The following MAGI1 variants were observed in gnomAD, a reference collection of about 807,000 sequenced individuals.
MAGI1 encodes membrane-associated guanylate kinase, WW and PDZ domain-containing protein 1.
A neutral mutation model predicts 139.9 loss-of-function variants in MAGI1; 58 were observed. The observed-to-expected ratio is 0.41, with a 90% CI of 0.34 to 0.52. MAGI1 has a LOEUF of 0.52. MAGI1 is among the 20% of genes least tolerant of loss of function. MAGI1 has a pLI of 0.12. For missense variants in MAGI1, 1,874 were observed against 1,901.6 expected (o/e 0.99, Z 0.27); for synonymous variants, 812 against 737.9 (o/e 1.10, Z -1.63).
intron 1 of MAGI1, among the ~76,000 whole-genome samples, chr3:65,729,907 T>C (rs898463670): frequency 2.0e-5 from 3 of 152,346 alleles, no homozygotes; most frequent in East Asian, 1.9e-4. Context: ...CCTTTGGTTA[T>C]ATAAGTAGTT....
intron 13 of MAGI1, among the ~76,000 whole-genome samples, chr3:65,392,797 T>G (rs979083170): frequency 6.6e-6 from 1 of 152,220 alleles, no homozygotes; most frequent in Non-Finnish European, 1.5e-5. Flanking sequence ...TATTACAGAT[T>G]TGAATGGAGG....
chr3:65,950,832 G>C (rs1423527039), intron 1 of MAGI1, among the ~76,000 whole-genome samples: 1 of 152,168 alleles, frequency 6.6e-6, no homozygotes, highest in Admixed American at 6.6e-5. Context: ...CTCAGGGACA[G>C]ATAGAGTGCA....
rs115437464 is a variant in MAGI1 at position 65,976,120 on chromosome 3, G to A, written c.313+61876C>T. On this transcript the variant is annotated intron_variant, in intron 1 of 22. Transcript: ENST00000402939. Reference sequence around the variant, plus strand: ...GAAGCCAGGAACATTTGGTGAACTCGGCTATGTCTCTCTGCACTGGTGGTG... The same window carrying A: ...GAAGCCAGGAACATTTGGTGAACTCAGCTATGTCTCTCTGCACTGGTGGTG... Among the ~76,000 whole-genome samples the A allele has an allele frequency of 3.3e-3, 506 of 152,196 alleles. 1 individual carries two copies. The highest frequency in any genetic ancestry group is 0.012 in the African/African-American group (480 of 41,538).
At chr3:66,014,339 C>T (rs2067507409) in intron 1 of MAGI1, among the ~76,000 whole-genome samples, 1 of 152,166 alleles carries the variant, frequency 6.6e-6, no homozygotes. Context: ...GCATACCCAA[C>T]CAGGTCAGCA....
intron 2 of MAGI1, among the ~76,000 whole-genome samples, chr3:65,532,586 AC>A (rs2078763390): frequency 6.6e-6 from 1 of 152,332 alleles, no homozygotes; most frequent in African/African-American, 2.4e-5. Context: ...TCTGGGTCAG[AC>A]TGGCTACAGT....
intron 1 of MAGI1, among the ~76,000 whole-genome samples, chr3:65,951,432 A>C (rs1410247045): frequency 2.0e-5 from 3 of 152,246 alleles, no homozygotes; most frequent in Non-Finnish European, 4.4e-5. Context: ...AAACAGATCA[A>C]ATGTTTCCAA....
chr3:65,875,368 G>T (rs755334715), intron 1 of MAGI1, among the ~76,000 whole-genome samples: 3 of 152,186 alleles, frequency 2.0e-5, no homozygotes, highest in Non-Finnish European at 4.4e-5. Context: ...CTTTAAATGA[G>T]TGATTTGTAT....
chr3:65,916,443 A>G (rs1176200794), intron 1 of MAGI1, among the ~76,000 whole-genome samples: 1 of 152,212 alleles, frequency 6.6e-6, no homozygotes, highest in Admixed American at 6.5e-5. Flanking sequence ...CCTCACAATC[A>G]TGGCAGAAGG....
chr3:65,423,197 C>T (rs1946756135), intron 12 of MAGI1, among the ~76,000 whole-genome samples: 1 of 152,176 alleles, frequency 6.6e-6, no homozygotes. Flanking sequence ...ACAGCTCAAT[C>T]TGAGACATTG....
At chr3:65,669,007 G>T (rs569924246) in intron 1 of MAGI1, among the ~76,000 whole-genome samples, 1 of 151,898 alleles carries the variant, frequency 6.6e-6, no homozygotes, top group African/African-American at 2.4e-5. Flanking sequence ...GCACAATCTC[G>T]GCTCACTGCA....
chr3:65,417,492 G>A (rs1262454388), intron 12 of MAGI1, among the ~76,000 whole-genome samples: 1 of 151,126 alleles, frequency 6.6e-6, no homozygotes, highest in Non-Finnish European at 1.5e-5. Flanking sequence ...AGTTAAGGGG[G>A]GAAATGTCTG....
intron 2 of MAGI1, among the ~76,000 whole-genome samples, chr3:65,515,435 CT>C (rs1451833353): frequency 1.3e-5 from 2 of 152,028 alleles, no homozygotes; most frequent in Non-Finnish European, 2.9e-5. Flanking sequence ...AAAAAAGTGG[CT>C]TTCTAAATGC....
intron 2 of MAGI1, among the ~76,000 whole-genome samples, chr3:65,589,986 T>A (rs11711596): frequency 0.064 from 9,758 of 152,180 alleles, 387 homozygotes; most frequent in East Asian, 0.16. Flanking sequence ...CACTCAACGA[T>A]CCATGACTTA....
At chr3:65,748,437 C>T (rs2035875597) in intron 1 of MAGI1, among the ~76,000 whole-genome samples, 2 of 152,152 alleles carry the variant, frequency 1.3e-5, no homozygotes, top group Non-Finnish European at 2.9e-5. Context: ...TCTGGCTCTG[C>T]TCTAAGTTAA....
chr3:65,903,067 C>A (rs116770507), intron 1 of MAGI1, among the ~76,000 whole-genome samples: 118 of 152,206 alleles, frequency 7.8e-4, no homozygotes, highest in African/African-American at 2.8e-3. Context: ...CGGCTCACTG[C>A]AGCCTCAACC....
chr3:65,387,171 G>A, intron 14 of MAGI1: 1 of 1,613,948 alleles, frequency 6.2e-7, no homozygotes. Flanking sequence ...TCGTGGAATT[G>A]ATTTCTCTCT....
At chr3:65,937,050 C>T (rs184272127) in intron 1 of MAGI1, among the ~76,000 whole-genome samples, 1 of 152,046 alleles carries the variant, frequency 6.6e-6, no homozygotes, top group East Asian at 1.9e-4. Context: ...AGTATCTCCT[C>T]CTGATGATTA....
At chr3:65,895,790 C>T (rs1274252489) in intron 1 of MAGI1, among the ~76,000 whole-genome samples, 1 of 152,184 alleles carries the variant, frequency 6.6e-6, no homozygotes, top group Non-Finnish European at 1.5e-5. Context: ...CTTCTAAACA[C>T]TTTTTCCTCA....
At chr3:65,578,628 C>A (rs562812008) in intron 2 of MAGI1, among the ~76,000 whole-genome samples, 3 of 152,242 alleles carry the variant, frequency 2.0e-5, no homozygotes, top group Non-Finnish European at 4.4e-5. Flanking sequence ...TCAATGAGAA[C>A]AGATATTCAG....
Sources: gnomAD v4.1 joint callset for allele counts (sites outside exome capture counted in the v4.1 genomes callset) on GRCh38, gnomAD v4.1.1 for gene constraint, MANE v1.5 for transcripts, NCBI Gene and HGNC (gene_info 2026-07-23, HGNC 2026-07-21) for gene names.